Variants in IDO2 observed in about 807,000 individuals in gnomAD.
IDO2 encodes indoleamine 2,3-dioxygenase-like 1 protein.
A neutral mutation model predicts 45.1 loss-of-function variants in IDO2; 46 were observed. The ratio of observed to expected loss-of-function variants is 1.02; its 90% CI spans 0.80 to 1.30. IDO2 has a LOEUF of 1.30. Ranked by LOEUF, IDO2 falls within the 50% of genes most tolerant of loss-of-function variation. The probability of loss-of-function intolerance (pLI) is 0.00; values close to 1 mark genes in which losing one functional copy is unlikely to be tolerated. For synonymous variants in IDO2, 218 were observed against 184.9 expected, an observed-to-expected ratio of 1.18 and a Z score of -1.45; for missense variants, 544 against 491.8, an observed-to-expected ratio of 1.11 and a Z score of -1.00.
chr8:39,938,668 A>C (rs1255608254), intron 1 of IDO2, among the ~76,000 whole-genome samples: 2 of 152,178 alleles, frequency 1.3e-5, no homozygotes, highest in African/African-American at 4.8e-5. Flanking sequence ...AGACTGGGAG[A>C]AAATATTTGC....
At chr8:39,940,183 C>A (rs1285375371) in intron 1 of IDO2, among the ~76,000 whole-genome samples, 3 of 152,124 alleles carry the variant, frequency 2.0e-5, no homozygotes, top group African/African-American at 7.2e-5. Context: ...TTTCTTACTG[C>A]GTGGTAAGTT....
intron 9 of IDO2, among the ~76,000 whole-genome samples, chr8:40,011,345 A>G (rs1415589844): frequency 6.6e-6 from 1 of 152,208 alleles, no homozygotes; most frequent in Non-Finnish European, 1.5e-5. Context: ...GCTAGTGAAA[A>G]AGCCCCAAAT....
At chr8:39,953,432 G>T (rs1006953857) in intron 2 of IDO2, among the ~76,000 whole-genome samples, 1 of 152,088 alleles carries the variant, frequency 6.6e-6, no homozygotes, top group African/African-American at 2.4e-5. Context: ...TATTATAAAT[G>T]TTAGTCAACT....
intron 8 of IDO2, among the ~76,000 whole-genome samples, chr8:39,991,693 C>T (rs1801932482): frequency 6.6e-6 from 1 of 151,654 alleles, no homozygotes; most frequent in African/African-American, 2.4e-5. Context: ...GCCTCAGTCT[C>T]CCTAGTAGCT....
At chr8:39,935,279 C>T (rs1269619875) in intron 1 of IDO2, 61 bp downstream of exon 1, 1 of 1,324,180 alleles carries the variant, frequency 7.6e-7, no homozygotes, top group Non-Finnish European at 1.1e-6. Context: ...TCAAGACTGA[C>T]AATTTGGGGC....
rs145153794 is a variant in IDO2 at position 40,011,393 on chromosome 8, C to T, written c.720-2172C>T. On this transcript the variant is annotated intron_variant, in intron 9 of 10. Transcript: ENST00000502986. ...CCATCAACCAGATTACAAAGAAAGA[C>T]CCGAACATGTGTGCCCATATATCAC... is the stretch of plus-strand genomic sequence containing the variant. Among the ~76,000 whole-genome samples, 247 of 152,308 alleles carry T rather than the reference C, an allele frequency of 1.6e-3. 1 individual carries two copies. The highest frequency in any genetic ancestry group is 5.6e-3 in the African/African-American group (232 of 41,574).
At chr8:39,985,158 C>G (rs946441033) in intron 5 of IDO2, 1 of 329,204 alleles carries the variant, frequency 3.0e-6, no homozygotes, top group Non-Finnish European at 5.7e-6. Flanking sequence ...ATCGAATCCT[C>G]GACCTCATAA....
chr8:39,970,005 T>C (rs969783426), intron 3 of IDO2, among the ~76,000 whole-genome samples: 2 of 152,206 alleles, frequency 1.3e-5, no homozygotes, highest in African/African-American at 4.8e-5. Flanking sequence ...AAGGAAAAGC[T>C]TTTGAAGAAA....
At chr8:39,988,322 C>G (rs991279034) in intron 7 of IDO2, among the ~76,000 whole-genome samples, 1 of 152,080 alleles carries the variant, frequency 6.6e-6, no homozygotes, top group Non-Finnish European at 1.5e-5. Context: ...GCCACTGCAC[C>G]GGGCCTCAAA....
chr8:40,014,140 G>T (rs929907120), intron 10 of IDO2, among the ~76,000 whole-genome samples: 1 of 152,086 alleles, frequency 6.6e-6, no homozygotes. Context: ...ACCAGCAGAG[G>T]GATCTATCAC....
In IDO2 at chr8:40,003,506, A is replaced by G. The variant is rs1041865307; in HGVS notation, c.668-1821A>G. Among the ~76,000 whole-genome samples the G allele has an allele frequency of 2.0e-5, 3 of 152,240 alleles. 1 individual carries two copies. The South Asian group carries it at 6.2e-4, about 32-fold the overall frequency. On this transcript the variant is annotated intron_variant, in intron 8 of 10. Transcript: ENST00000502986. ...TACTTGATATTTTTGTTTCTAATAAATATGGTGTCTGTCTATTTACCTGCC... is the reference window on the plus strand; with the variant it reads ...TACTTGATATTTTTGTTTCTAATAAGTATGGTGTCTGTCTATTTACCTGCC...
chr8:39,978,931 C>G (rs1181935740), intron 3 of IDO2, 136 bp from the exon 4 acceptor site: 2 of 791,636 alleles, frequency 2.5e-6, no homozygotes, highest in Non-Finnish European at 2.0e-6. Context: ...TGTGCGGGCT[C>G]TTTGTACCTT....
intron 8 of IDO2, among the ~76,000 whole-genome samples, chr8:40,002,731 G>T (rs1802158553): frequency 6.6e-6 from 1 of 152,044 alleles, no homozygotes. Context: ...AGTGAGCCGC[G>T]ATCATGCCAC....
intron 2 of IDO2, among the ~76,000 whole-genome samples, chr8:39,953,375 T>A (rs1035493023): frequency 6.6e-6 from 1 of 152,182 alleles, no homozygotes; most frequent in African/African-American, 2.4e-5. Context: ...CTAGAATAGT[T>A]CATTCAGAAT....
intron 8 of IDO2, among the ~76,000 whole-genome samples, chr8:39,993,451 G>A (rs1294098874): frequency 6.6e-6 from 1 of 152,016 alleles, no homozygotes; most frequent in Non-Finnish European, 1.5e-5. Flanking sequence ...GGAGTCGAAG[G>A]GTTTCTTCCT....
chr8:39,961,995 G>C (rs1808005216), intron 2 of IDO2, among the ~76,000 whole-genome samples: 1 of 152,174 alleles, frequency 6.6e-6, no homozygotes, highest in African/African-American at 2.4e-5. Flanking sequence ...TTACCATATG[G>C]TTTATGTTGC....
At chr8:39,986,199 T>C (rs1808419980) in intron 6 of IDO2, 1 of 152,264 alleles carries the variant, frequency 6.6e-6, no homozygotes, top group Non-Finnish European at 1.5e-5. Flanking sequence ...GATTGCAGAT[T>C]GTCTACAGAA....
At chr8:39,962,746 T>TGGTGGG (rs1808018865) in intron 2 of IDO2, among the ~76,000 whole-genome samples, 1 of 152,246 alleles carries the variant, frequency 6.6e-6, no homozygotes, top group East Asian at 1.9e-4. Flanking sequence ...GCATAAGGCA[T>TGGTGGG]GAATTCCTGG....
chr8:40,009,800 G>A (rs951177593), intron 9 of IDO2, among the ~76,000 whole-genome samples: 1 of 152,194 alleles, frequency 6.6e-6, no homozygotes, highest in Non-Finnish European at 1.5e-5. Context: ...ATTGATTAAT[G>A]TCTCTTGGCC....
Sources: allele counts gnomAD v4.1 joint callset (sites outside exome capture counted in the v4.1 genomes callset), GRCh38; gene constraint gnomAD v4.1.1; transcripts MANE v1.5; gene names NCBI Gene and HGNC (gene_info 2026-07-23, HGNC 2026-07-21).